The following BAZ2B variants were observed in gnomAD, a reference collection of about 807,000 sequenced individuals.
BAZ2B encodes the protein bromodomain adjacent to zinc finger domain protein 2B.
BAZ2B carries 91 observed loss-of-function variants against 246.0 expected under a neutral mutation model. The observed-to-expected ratio is 0.37, with a 90% confidence interval of 0.31 to 0.44. BAZ2B has a LOEUF of 0.44. Among genes scored for constraint, BAZ2B ranks in the 20% least tolerant of loss-of-function variants. BAZ2B has a pLI of 1.00. For synonymous variants in BAZ2B, 855 were observed against 860.0 expected (o/e 0.99, Z 0.10); for missense variants, 2,332 against 2,533.7 (o/e 0.92, Z 1.71).
Position 159,412,392 on chromosome 2 carries a change from T to G in BAZ2B, c.2620A>C (p.Asn874His). Residue 874 changes from asparagine (N) to histidine (H), a missense_variant, in exon 14 of 37, where the codon AAT becomes CAT. Transcript: ENST00000392783. ...TCTGCGTTATCTAGGAATTCAGCAT[T>G]GCCAACATTTGGAGGTCGACCTTTC... ...RRKGRPPNVGNAEFLDNADAK... is the reference protein window; with the variant it reads ...RRKGRPPNVGHAEFLDNADAK... The G allele has an allele frequency of 6.2e-7, 1 of 1,614,158 alleles. No homozygotes were observed. Among genetic ancestry groups the G allele is most frequent in the Non-Finnish European group, 8.5e-7 (1 of 1,180,012 alleles).
intron 2 of BAZ2B, among the ~76,000 whole-genome samples, chr2:159,488,906 G>T (rs923323983): frequency 6.6e-6 from 1 of 151,870 alleles, no homozygotes; most frequent in Non-Finnish European, 1.5e-5. Flanking sequence ...TCATTTCCAG[G>T]TACCATTAAC....
chr2:159,423,969 C>G (rs1450798661), intron 13 of BAZ2B, among the ~76,000 whole-genome samples: 1 of 152,022 alleles, frequency 6.6e-6, no homozygotes, highest in Non-Finnish European at 1.5e-5. Flanking sequence ...CACAGCTTGC[C>G]CGCTTAGCAA....
chr2:159,584,142 A>C (rs1438099323), intron 1 of BAZ2B, among the ~76,000 whole-genome samples: 1 of 145,194 alleles, frequency 6.9e-6, no homozygotes. Context: ...TTTTTTTTTG[A>C]GATGGAGTCT....
chr2:159,592,812 CCTAA>C (rs776769471), intron 1 of BAZ2B, among the ~76,000 whole-genome samples: 2 of 152,300 alleles, frequency 1.3e-5, no homozygotes, highest in South Asian at 2.1e-4. Context: ...GCCAAAACCA[CCTAA>C]CTAAGCCACT....
chr2:159,656,959 T>C, the BAZ2B span, among the ~76,000 whole-genome samples: 1 of 152,156 alleles, frequency 6.6e-6, no homozygotes, highest in Non-Finnish European at 1.5e-5. Context: ...CTCTTAATGG[T>C]GTCTTTTGCA....
intron 1 of BAZ2B, among the ~76,000 whole-genome samples, chr2:159,574,197 G>A (rs1345529316): frequency 6.6e-6 from 1 of 150,844 alleles, no homozygotes; most frequent in African/African-American, 2.4e-5. Flanking sequence ...ATGGGCAAAG[G>A]GTTTGAATAG....
At chr2:159,479,375 C>T (rs866460830) in intron 2 of BAZ2B, among the ~76,000 whole-genome samples, 21 of 152,152 alleles carry the variant, frequency 1.4e-4, no homozygotes, top group African/African-American at 4.8e-4. Flanking sequence ...GGTTTTATTG[C>T]AATAACTAAT....
chr2:159,618,343 T>C (rs1025882032), upstream of BAZ2B, among the ~76,000 whole-genome samples: 18 of 152,212 alleles, frequency 1.2e-4, no homozygotes, highest in African/African-American at 4.3e-4. Flanking sequence ...AAGCTATAAT[T>C]TGAGTAACTA....
At chr2:159,607,715 G>A (rs1264469841) in intron 1 of BAZ2B, among the ~76,000 whole-genome samples, 1 of 152,138 alleles carries the variant, frequency 6.6e-6, no homozygotes, top group Non-Finnish European at 1.5e-5. Context: ...GGCTTATGCA[G>A]TCCTTCTTTT....
chr2:159,638,617 G>A, the BAZ2B span, among the ~76,000 whole-genome samples: 7 of 152,158 alleles, frequency 4.6e-5, no homozygotes, highest in East Asian at 1.2e-3. Flanking sequence ...GCTGAAGAAT[G>A]CATCAGAGTT....
intron 3 of BAZ2B, chr2:159,459,605 T>A (rs2076175981): frequency 6.6e-6 from 1 of 152,186 alleles, no homozygotes; most frequent in African/African-American, 2.4e-5. Context: ...CTAGGAAAAT[T>A]TTGATCATAG....
rs967926171 is a variant in BAZ2B, at chr2:159,432,666, G to T, written c.1900+91C>A. 4 of 1,471,136 alleles carry T rather than the reference G, an allele frequency of 2.7e-6. No individual in the cohort carries two copies. In the East Asian group the frequency reaches 6.9e-5, roughly 25 times the overall value. 91.1% of individuals were successfully genotyped at this position (1,471,136 alleles called of 1,614,324 possible). A position where few individuals can be genotyped will look rare whatever the true frequency, so the allele number is the denominator to read the frequency against. On this transcript the variant is annotated intron_variant, in intron 9 of 36. Transcript: ENST00000392783. ...AGTTGTGTGAAACATAGTAAATGAC[G>T]CTGATTTTAAGTCTGAATTAAGAAA...
At chr2:159,325,111 T>A (rs2063451120) in intron 35 of BAZ2B, among the ~76,000 whole-genome samples, 157 bp from the exon 36 acceptor site, 2 of 2,218 alleles carry the variant, frequency 9.0e-4, no homozygotes, top group African/African-American at 3.0e-3. Context: ...TATATATATA[T>A]ATATTTTATA....
chr2:159,384,693 A>T (rs1230607431), intron 23 of BAZ2B, among the ~76,000 whole-genome samples: 1 of 151,646 alleles, frequency 6.6e-6, no homozygotes, highest in Admixed American at 6.6e-5. Flanking sequence ...ACACTGATAA[A>T]TAAATACTCT....
intron 1 of BAZ2B, among the ~76,000 whole-genome samples, chr2:159,599,033 C>A (rs1278343202): frequency 6.6e-6 from 1 of 151,920 alleles, no homozygotes; most frequent in African/African-American, 2.4e-5. Flanking sequence ...ACTTGAGGAC[C>A]AGCCTGGCCA....
rs558095707 is a variant in BAZ2B at position 159,470,371 on chromosome 2, T to C, written c.145+8204A>G. Reference sequence around the variant, plus strand: ...AAGGCAACTTCCTGGAGTAATAAAATTGTCCTACAGCCTGGAGGTTACATG... The same window carrying C: ...AAGGCAACTTCCTGGAGTAATAAAACTGTCCTACAGCCTGGAGGTTACATG... On this transcript the variant is annotated intron_variant, in intron 3 of 36. Transcript: ENST00000392783. 8.5e-5 allele frequency among the ~76,000 whole-genome samples: 13 copies of C among 152,334 alleles called. No homozygotes were observed. In the South Asian group the frequency reaches 2.7e-3, roughly 32 times the overall value.
At chr2:159,662,951 C>T in the BAZ2B span, among the ~76,000 whole-genome samples, 2 of 152,002 alleles carry the variant, frequency 1.3e-5, no homozygotes, top group African/African-American at 4.8e-5. Flanking sequence ...GCTTATAAAC[C>T]ATTTATATAC....
intron 1 of BAZ2B, among the ~76,000 whole-genome samples, chr2:159,610,952 C>T (rs1413174121): frequency 6.6e-6 from 1 of 151,914 alleles, no homozygotes; most frequent in East Asian, 1.9e-4. Flanking sequence ...AATCAAATAG[C>T]ACTCAAAATA....
Position 159,478,621 on chromosome 2 carries a change from G to T in BAZ2B, c.99C>A (p.Gly33=). ...PSVASVVSKG[G]LSTGVASLSS... is the part of the protein sequence containing the mutation. ...TAAGTGAAGCAACTCCAGTGGAAAG[G>T]CCACCTTTTGAAACTACTGAAGCCA... is the stretch of plus-strand genomic sequence containing the variant. Residue 33 remains glycine (G), a synonymous_variant, in exon 3 of 37, where the codon GGC becomes GGA. Coordinates refer to ENST00000392783, the MANE Select transcript of BAZ2B (RefSeq NM_013450.4). 6.2e-7 allele frequency: 1 copy of T among 1,611,764 alleles called. No individual in the cohort carries two copies.
Sources: gnomAD v4.1 joint callset for allele counts (sites outside exome capture counted in the v4.1 genomes callset) on GRCh38, gnomAD v4.1.1 for gene constraint, MANE v1.5 for transcripts, NCBI Gene and HGNC (gene_info 2026-07-23, HGNC 2026-07-21) for gene names.